CUX1: variants seen among roughly 807,000 people sequenced by gnomAD.
CUX1 encodes the protein protein CASP.
In CUX1, 31 loss-of-function variants were observed where a neutral mutation model predicts 158.8. That is an observed-to-expected ratio of 0.20 (90% CI 0.15 to 0.26). The LOEUF is 0.26. Ranked by LOEUF, CUX1 falls within the 10% of genes least tolerant of loss-of-function variation. The pLI is 1.00. For missense variants in CUX1, 1,589 were observed against 2,014.6 expected, an observed-to-expected ratio of 0.79 and a Z score of 4.04; for synonymous variants, 879 against 862.1, an observed-to-expected ratio of 1.02 and a Z score of -0.34.
chr7:101,847,267 C>T (rs966445868), intron 1 of CUX1, among the ~76,000 whole-genome samples: 1 of 152,170 alleles, frequency 6.6e-6, no homozygotes, highest in African/African-American at 2.4e-5. Flanking sequence ...GGGGAAACTC[C>T]TCTCCTCTAG....
chr7:102,083,403 C>T (rs113201214), intron 4 of CUX1, among the ~76,000 whole-genome samples: 1,622 of 147,124 alleles, frequency 0.011, 72 homozygotes, highest in African/African-American at 0.038. Flanking sequence ...GTCTTCCAGG[C>T]TCAAGCGATC....
chr7:102,190,815 G>A (rs1794192798), intron 12 of CUX1, among the ~76,000 whole-genome samples: 1 of 152,036 alleles, frequency 6.6e-6, no homozygotes, highest in Non-Finnish European at 1.5e-5. Context: ...CTGGTCTTGG[G>A]TGCCACCTCC....
intron 20 of CUX1, 112 bp from the exon 21 acceptor site, chr7:102,227,255 G>A (rs146363663): frequency 1.2e-4 from 110 of 925,972 alleles, no homozygotes; most frequent in Middle Eastern, 6.2e-4. Flanking sequence ...AAACCCTACC[G>A]TCTGCTTCTC....
intron 3 of CUX1, among the ~76,000 whole-genome samples, chr7:102,050,412 G>A (rs974792450): frequency 6.6e-6 from 1 of 152,128 alleles, no homozygotes; most frequent in Admixed American, 6.6e-5. Flanking sequence ...GGCTTTCCCT[G>A]TATCTCTGTC....
At chr7:102,222,201 C>T (rs1234258395) in intron 20 of CUX1, among the ~76,000 whole-genome samples, 1 of 151,932 alleles carries the variant, frequency 6.6e-6, no homozygotes, top group Non-Finnish European at 1.5e-5. Flanking sequence ...TCTCTGAAGC[C>T]CAGGAGGTCG....
At chr7:102,169,773 A>C (rs1481690616) in intron 9 of CUX1, among the ~76,000 whole-genome samples, 1 of 152,192 alleles carries the variant, frequency 6.6e-6, no homozygotes, top group Non-Finnish European at 1.5e-5. Context: ...AATTGCAGGC[A>C]AATGATGGAA....
chr7:102,090,652 G>T (rs556429687), intron 4 of CUX1, among the ~76,000 whole-genome samples: 1 of 150,052 alleles, frequency 6.7e-6, no homozygotes, highest in African/African-American at 2.5e-5. Flanking sequence ...CTCCCAAAGT[G>T]CTGGGATTAC....
intron 3 of CUX1, among the ~76,000 whole-genome samples, chr7:102,059,382 C>G (rs1175186674): frequency 6.6e-6 from 1 of 152,080 alleles, no homozygotes; most frequent in Non-Finnish European, 1.5e-5. Flanking sequence ...ACCTGTAATC[C>G]CAGCACTTTG....
intron 3 of CUX1, among the ~76,000 whole-genome samples, chr7:102,033,164 A>T (rs117145447): frequency 1.3e-5 from 2 of 152,178 alleles, no homozygotes. Context: ...ATAAAATTAC[A>T]GTAGGCTGGT....
chr7:102,054,493 A>C (rs530007119), intron 3 of CUX1, among the ~76,000 whole-genome samples: 2 of 152,262 alleles, frequency 1.3e-5, no homozygotes, highest in East Asian at 3.9e-4. Context: ...TCTGGGCTGT[A>C]TTGATCTGTG....
At chr7:101,988,147 G>A (rs1026537283) in intron 2 of CUX1, among the ~76,000 whole-genome samples, 2 of 152,116 alleles carry the variant, frequency 1.3e-5, no homozygotes, top group African/African-American at 2.4e-5. Flanking sequence ...GGGAGGCAGA[G>A]GTTGCAGTGA....
chr7:101,914,656 GC>G (rs1177808523), intron 1 of CUX1, among the ~76,000 whole-genome samples: 1 of 151,722 alleles, frequency 6.6e-6, no homozygotes, highest in Admixed American at 6.6e-5. Flanking sequence ...CCACCACCAT[GC>G]CTGGCTAATT....
At chr7:101,913,996 G>A (rs148186859) in intron 1 of CUX1, among the ~76,000 whole-genome samples, 12 of 151,266 alleles carry the variant, frequency 7.9e-5, no homozygotes, top group South Asian at 2.1e-4. Context: ...CTTCTGCTTC[G>A]CTGTGACTGC....
chr7:102,116,380 A>G (rs1831439377), intron 8 of CUX1, among the ~76,000 whole-genome samples: 1 of 152,126 alleles, frequency 6.6e-6, no homozygotes, highest in East Asian at 1.9e-4. Flanking sequence ...AAACATCACC[A>G]CTAGATCAGC....
At chr7:102,070,923 A>G (rs1585526492) in intron 4 of CUX1, among the ~76,000 whole-genome samples, 1 of 111,690 alleles carries the variant, frequency 9.0e-6, no homozygotes, top group Non-Finnish European at 1.8e-5. Flanking sequence ...ACAACCAAGT[A>G]TATCAGTTGT....
chr7:102,015,519 C>T (rs919899553), intron 2 of CUX1, among the ~76,000 whole-genome samples: 2 of 152,138 alleles, frequency 1.3e-5, no homozygotes, highest in African/African-American at 4.8e-5. Flanking sequence ...TGAGCCACCG[C>T]ATCCAGCCGA....
chr7:101,920,667 G>T (rs185948903), intron 2 of CUX1, among the ~76,000 whole-genome samples: 2 of 152,308 alleles, frequency 1.3e-5, no homozygotes, highest in East Asian at 3.9e-4. Context: ...AGAAATTGTA[G>T]TTAATTTGCA....
intron 2 of CUX1, among the ~76,000 whole-genome samples, chr7:101,947,889 C>T (rs1025096197): frequency 3.3e-5 from 5 of 152,156 alleles, no homozygotes; most frequent in African/African-American, 1.2e-4. Context: ...AATTGTTGAC[C>T]CTAGCCATCC....
chr7:102,217,987 G>A (rs1197306922), intron 20 of CUX1, among the ~76,000 whole-genome samples: 3 of 152,282 alleles, frequency 2.0e-5, no homozygotes, highest in East Asian at 1.9e-4. Context: ...GGATGGACAC[G>A]ATGGTGTCTC....
Sources: gnomAD v4.1 joint callset for allele counts (sites outside exome capture counted in the v4.1 genomes callset) on GRCh38, gnomAD v4.1.1 for gene constraint, MANE v1.5 for transcripts, NCBI Gene and HGNC (gene_info 2026-07-23, HGNC 2026-07-21) for gene names.